The following RPS6KC1 variants were observed in gnomAD, a reference collection of about 807,000 sequenced individuals.
RPS6KC1 encodes the protein inactive ribosomal protein S6 kinase delta-1.
RPS6KC1 carries 54 observed loss-of-function variants against 103.8 expected under a neutral mutation model. That is an observed-to-expected ratio of 0.52 (90% CI 0.42 to 0.65). The LOEUF (loss-of-function observed/expected upper bound fraction) is 0.65, where lower values mean the gene tolerates loss of function less well. RPS6KC1 is among the 30% of genes least tolerant of loss of function. The probability of loss-of-function intolerance (pLI) is 0.00; values close to 1 mark genes in which losing one functional copy is unlikely to be tolerated. For missense variants in RPS6KC1, 1,151 were observed against 1,253.8 expected (o/e 0.92, Z 1.24); for synonymous variants, 439 against 438.7 (o/e 1.00, Z -0.01).
the RPS6KC1 span, among the ~76,000 whole-genome samples, chr1:213,496,812 G>A: frequency 1.3e-5 from 2 of 152,202 alleles, no homozygotes; most frequent in African/African-American, 4.8e-5. Context: ...GCTTGCTCCT[G>A]AGGGCCAGTT....
At chr1:213,220,010 T>C (rs2093786527) in intron 8 of RPS6KC1, among the ~76,000 whole-genome samples, 1 of 151,968 alleles carries the variant, frequency 6.6e-6, no homozygotes, top group Non-Finnish European at 1.5e-5. Context: ...AGTATAATAA[T>C]TTAAAAAAAC....
At chr1:213,352,454 G>T in the RPS6KC1 span, among the ~76,000 whole-genome samples, 3 of 152,148 alleles carry the variant, frequency 2.0e-5, no homozygotes, top group Admixed American at 2.0e-4. Context: ...GTGGGAGGGG[G>T]TGCTGGTGGC....
chr1:213,406,857 C>T, the RPS6KC1 span, among the ~76,000 whole-genome samples: 1 of 152,162 alleles, frequency 6.6e-6, no homozygotes, highest in Non-Finnish European at 1.5e-5. Context: ...ACTGAGTCCT[C>T]GGCTGATCCT....
At chr1:213,259,313 A>G (rs751967444) in intron 12 of RPS6KC1, among the ~76,000 whole-genome samples, 2 of 152,216 alleles carry the variant, frequency 1.3e-5, no homozygotes, top group Non-Finnish European at 2.9e-5. Flanking sequence ...TAATCCCAGC[A>G]CCTTGGGAGG....
the RPS6KC1 span, among the ~76,000 whole-genome samples, chr1:213,727,345 C>T: frequency 3.3e-5 from 5 of 152,014 alleles, no homozygotes. Flanking sequence ...GATGAGGGTA[C>T]AGGGAGGAAG....
the RPS6KC1 span, chr1:213,818,776 C>T: frequency 6.6e-6 from 1 of 152,352 alleles, no homozygotes; most frequent in Non-Finnish European, 1.5e-5. Context: ...CCCACTGAAA[C>T]AGCTTGGTCT....
At chr1:213,341,170 C>T in the RPS6KC1 span, among the ~76,000 whole-genome samples, 1 of 152,196 alleles carries the variant, frequency 6.6e-6, no homozygotes, top group South Asian at 2.1e-4. Context: ...CCTTCTGCTC[C>T]TCTCAGCATG....
At chr1:213,640,567 G>A in the RPS6KC1 span, among the ~76,000 whole-genome samples, 1 of 151,176 alleles carries the variant, frequency 6.6e-6, no homozygotes. Context: ...CTCTAAACAC[G>A]GCTTTAGGTT....
the RPS6KC1 span, among the ~76,000 whole-genome samples, chr1:213,467,736 G>T: frequency 6.6e-6 from 1 of 152,068 alleles, no homozygotes; most frequent in Non-Finnish European, 1.5e-5. Context: ...TGAATTCCCT[G>T]CATCCACAGC....
the RPS6KC1 span, among the ~76,000 whole-genome samples, chr1:213,622,624 A>T: frequency 6.6e-6 from 1 of 151,574 alleles, no homozygotes; most frequent in African/African-American, 2.4e-5. Context: ...TACCAGCGGC[A>T]CCCCTGCAGT....
chr1:213,809,162 T>C, the RPS6KC1 span, among the ~76,000 whole-genome samples: 1 of 152,220 alleles, frequency 6.6e-6, no homozygotes, highest in Non-Finnish European at 1.5e-5. Flanking sequence ...TATAGGCCAC[T>C]GTGGGGTTAT....
intron 3 of RPS6KC1, among the ~76,000 whole-genome samples, chr1:213,082,186 G>A (rs762250884): frequency 3.0e-4 from 46 of 151,852 alleles, no homozygotes; most frequent in Non-Finnish European, 6.0e-4. Flanking sequence ...TTTGGGAGGC[G>A]TAGTCGGGCA....
At chr1:213,792,710 A>G in the RPS6KC1 span, among the ~76,000 whole-genome samples, 2 of 152,212 alleles carry the variant, frequency 1.3e-5, no homozygotes, top group Non-Finnish European at 2.9e-5. Flanking sequence ...GAACAAAGAG[A>G]CAAAGTCCAG....
chr1:213,404,815 A>G, the RPS6KC1 span, among the ~76,000 whole-genome samples: 1 of 152,190 alleles, frequency 6.6e-6, no homozygotes, highest in African/African-American at 2.4e-5. Flanking sequence ...TTCTTCTCAA[A>G]TGATACTAAT....
chr1:213,235,839 C>T (rs1424752341), intron 10 of RPS6KC1, among the ~76,000 whole-genome samples: 2 of 152,164 alleles, frequency 1.3e-5, no homozygotes, highest in Admixed American at 6.5e-5. Context: ...CATTGGCCTG[C>T]TCTGTGGAAA....
At chr1:213,575,064 T>A in the RPS6KC1 span, among the ~76,000 whole-genome samples, 2 of 152,152 alleles carry the variant, frequency 1.3e-5, no homozygotes, top group East Asian at 3.9e-4. Context: ...AGCTTAAACC[T>A]CAGCTCTGCC....
the RPS6KC1 span, among the ~76,000 whole-genome samples, chr1:213,578,150 G>T: frequency 6.6e-6 from 1 of 152,240 alleles, no homozygotes; most frequent in Non-Finnish European, 1.5e-5. Context: ...TGCTTCAGAG[G>T]GTGCAAGCCA....
the RPS6KC1 span, among the ~76,000 whole-genome samples, chr1:213,647,454 G>A: frequency 6.6e-6 from 1 of 152,142 alleles, no homozygotes; most frequent in Non-Finnish European, 1.5e-5. Context: ...TAGGCTACTT[G>A]TTTTCAGCAG....
At chr1:213,416,399 T>A in the RPS6KC1 span, among the ~76,000 whole-genome samples, 1 of 152,124 alleles carries the variant, frequency 6.6e-6, no homozygotes, top group Non-Finnish European at 1.5e-5. Context: ...TGCATAGGAT[T>A]TGGGCAGGCT....
Sources: allele counts gnomAD v4.1 joint callset (sites outside exome capture counted in the v4.1 genomes callset), GRCh38; gene constraint gnomAD v4.1.1; transcripts MANE v1.5; gene names NCBI Gene and HGNC (gene_info 2026-07-23, HGNC 2026-07-21).